ANP32A: variants seen among roughly 807,000 people sequenced by gnomAD.
ANP32A encodes the protein acidic leucine-rich nuclear phosphoprotein 32 family member A.
ANP32A carries 1 observed loss-of-function variant against 33.9 expected under a neutral mutation model. The ratio of observed to expected loss-of-function variants is 0.03; its 90% CI spans 0.01 to 0.14. The LOEUF is 0.14. ANP32A is among the 10% of genes least tolerant of loss of function. The pLI is 1.00. For synonymous variants in ANP32A, 115 were observed against 120.5 expected (o/e 0.95, Z 0.30); for missense variants, 155 against 306.0 (o/e 0.51, Z 3.68).
At chr15:68,787,075 A>G (rs1475727184) in intron 3 of ANP32A, 7 of 253,674 alleles carry the variant, frequency 2.8e-5, no homozygotes, top group Admixed American at 2.4e-4. Context: ...AAGGGGCAAC[A>G]AGCCATGCCC....
chr15:68,804,682 A>C (rs1455660358), intron 1 of ANP32A, among the ~76,000 whole-genome samples: 1 of 151,882 alleles, frequency 6.6e-6, no homozygotes, highest in African/African-American at 2.4e-5. Flanking sequence ...CGCCCAATTA[A>C]TTTTTGTATT....
chr15:68,789,291 G>A (rs1893971653), intron 1 of ANP32A: 1 of 152,630 alleles, frequency 6.6e-6, no homozygotes, highest in African/African-American at 2.4e-5. Context: ...TCCATGCACA[G>A]GCCCTGATTT....
chr15:68,788,057 G>A (rs1362836754), intron 1 of ANP32A, 138 bp from the exon 2 acceptor site: 3 of 1,106,250 alleles, frequency 2.7e-6, no homozygotes, highest in Admixed American at 2.1e-5. Flanking sequence ...CTAGCTTTCC[G>A]GATCACTGTG....
At chr15:68,811,233 G>A (rs1217049110) in intron 1 of ANP32A, among the ~76,000 whole-genome samples, 1 of 152,114 alleles carries the variant, frequency 6.6e-6, no homozygotes, top group African/African-American at 2.4e-5. Context: ...AAAGTTTAGG[G>A]AGTAGGGAGA....
intron 1 of ANP32A, among the ~76,000 whole-genome samples, chr15:68,809,751 C>T (rs906485339): frequency 2.0e-5 from 3 of 152,076 alleles, no homozygotes; most frequent in African/African-American, 4.8e-5. Context: ...ATGTACCAAC[C>T]GGTAGGTGAT....
At chr15:68,810,515 T>A (rs1894297519) in intron 1 of ANP32A, among the ~76,000 whole-genome samples, 1 of 152,008 alleles carries the variant, frequency 6.6e-6, no homozygotes. Flanking sequence ...AGACATCAGG[T>A]GGGTCTCAAG....
In ANP32A at chr15:68,820,464, C is replaced by T. The variant is rs570642112; in HGVS notation, c.54+234G>A. 1.2e-3 allele frequency among the ~76,000 whole-genome samples: 186 copies of T among 152,238 alleles called. No individual in the cohort carries two copies. Among genetic ancestry groups the T allele is most frequent in the Non-Finnish European group, 2.0e-3 (137 of 67,998 alleles). The stretch of plus-strand genomic sequence containing the variant: ...ACTCTCGCACCCACACTCGCACACG[C>T]GGGAGCACACGCACAGGTAGTCACA... On this transcript the variant is annotated intron_variant, in intron 1 of 6. Transcript: ENST00000465139.
intron 1 of ANP32A, chr15:68,818,293 A>G: frequency 3.8e-6 from 1 of 262,884 alleles, no homozygotes; most frequent in Non-Finnish European, 8.0e-6. Context: ...CAGCTCCCGG[A>G]GCCCAGTTGG....
intron 1 of ANP32A, among the ~76,000 whole-genome samples, chr15:68,797,643 C>T (rs1172678385): frequency 6.6e-6 from 1 of 152,208 alleles, no homozygotes; most frequent in Non-Finnish European, 1.5e-5. Context: ...CTCTGCTAGC[C>T]TCCCTGATGT....
At chr15:68,809,299 T>A (rs1405536324) in intron 1 of ANP32A, among the ~76,000 whole-genome samples, 1 of 152,190 alleles carries the variant, frequency 6.6e-6, no homozygotes, top group Non-Finnish European at 1.5e-5. Context: ...GGAGAGATCT[T>A]AACAAGCAGT....
Position 68,814,147 on chromosome 15 carries a change from G to T in ANP32A, c.54+6551C>A, listed in dbSNP as rs572707854. The stretch of plus-strand genomic sequence containing the variant: ...GCCTCCCAAAGTGCTGGGATTACAG[G>T]CGTGAGCCACTGCACCCAGCCTCCA... On this transcript the variant is annotated intron_variant, in intron 1 of 6. Coordinates refer to ENST00000465139, the MANE Select transcript of ANP32A (RefSeq NM_006305.4). Among the ~76,000 whole-genome samples the T allele has an allele frequency of 5.2e-3, 787 of 152,232 alleles. 4 individuals carry two copies. Among genetic ancestry groups the T allele is most frequent in the Non-Finnish European group, 8.8e-3 (597 of 68,024 alleles).
rs1596063228 is a variant in ANP32A at position 68,782,864 on chromosome 15, G to A, written c.624+92C>T. On this transcript the variant is annotated intron_variant, in intron 5 of 6. Transcript: ENST00000465139. ...ATCGGGGAGCGACTTTCCTAACCAG[G>A]GCTCCGGGGCTGCCAAGACTGATCA... The A allele has an allele frequency of 2.6e-6, 4 of 1,514,296 alleles. No individual in the cohort carries two copies. The African/African-American group carries it at 4.2e-5, about 16-fold the overall frequency. 93.8% of individuals were successfully genotyped at this position (1,514,296 alleles called of 1,614,324 possible).
chr15:68,797,816 A>G (rs763935374), intron 1 of ANP32A, among the ~76,000 whole-genome samples: 3 of 151,586 alleles, frequency 2.0e-5, no homozygotes, highest in Admixed American at 6.6e-5. Flanking sequence ...TCTTCCTCCT[A>G]TCTCTCCCCC....
At chr15:68,803,684 G>A (rs1471720961) in intron 1 of ANP32A, among the ~76,000 whole-genome samples, 2 of 151,698 alleles carry the variant, frequency 1.3e-5, no homozygotes, top group African/African-American at 2.4e-5. Context: ...CACATGGAAA[G>A]TCGCTTTTAC....
At position 68,813,908 on chromosome 15, in the gene ANP32A, C is replaced by G. The variant is rs561404426; in HGVS notation, c.54+6790G>C. 1.9e-4 allele frequency among the ~76,000 whole-genome samples: 19 copies of G among 100,528 alleles called. 1 individual carries two copies. The South Asian group carries it at 6.4e-3, about 34-fold the overall frequency. 66.0% of individuals were successfully genotyped at this position (100,528 alleles called of 152,430 possible). ...TTTTTGAGACGGAGTCTCGCTTTGT[C>G]CCCCAGGCCGGAGTGCAGTGGCACG... is the stretch of plus-strand genomic sequence containing the variant. On this transcript the variant is annotated intron_variant, in intron 1 of 6. Transcript: ENST00000465139.
chr15:68,808,774 GC>G (rs1243759255), intron 1 of ANP32A, among the ~76,000 whole-genome samples: 2 of 152,144 alleles, frequency 1.3e-5, no homozygotes, highest in African/African-American at 4.8e-5. Context: ...ACACGCACAT[GC>G]ATACACACGT....
chr15:68,786,435 T>G (rs550659646), intron 3 of ANP32A, among the ~76,000 whole-genome samples: 1 of 151,998 alleles, frequency 6.6e-6, no homozygotes, highest in Non-Finnish European at 1.5e-5. Context: ...AATTTTTGTA[T>G]TTTTAGTACA....
intron 1 of ANP32A, among the ~76,000 whole-genome samples, chr15:68,794,778 A>G (rs1279323799): frequency 1.3e-5 from 1 of 74,714 alleles, no homozygotes; most frequent in African/African-American, 3.2e-5. Context: ...GCTCTGACAG[A>G]AAAGTTAGAC....
intron 1 of ANP32A, among the ~76,000 whole-genome samples, chr15:68,807,062 T>A (rs1329917840): frequency 6.6e-6 from 1 of 152,222 alleles, no homozygotes; most frequent in Non-Finnish European, 1.5e-5. Flanking sequence ...GATGCACACC[T>A]AAGTGAGTGC....
Sources: gnomAD v4.1 joint callset for allele counts (sites outside exome capture counted in the v4.1 genomes callset) on GRCh38, gnomAD v4.1.1 for gene constraint, MANE v1.5 for transcripts, NCBI Gene and HGNC (gene_info 2026-07-23, HGNC 2026-07-21) for gene names.